ADCY8: variants seen among roughly 807,000 people sequenced by gnomAD.
ADCY8 encodes the protein adenylate cyclase 8.
Under a neutral mutation model 119.7 loss-of-function variants are expected in ADCY8, and 51 were observed. That is an observed-to-expected ratio of 0.43 (90% CI 0.34 to 0.54). The LOEUF (loss-of-function observed/expected upper bound fraction) is 0.54. ADCY8 is among the 20% of genes least tolerant of loss of function. The probability of loss-of-function intolerance (pLI) is 0.03; values close to 1 mark genes in which losing one functional copy is unlikely to be tolerated. For missense variants in ADCY8, 1,383 were observed against 1,598.8 expected, an observed-to-expected ratio of 0.87 and a Z score of 2.30; for synonymous variants, 665 against 651.0, an observed-to-expected ratio of 1.02 and a Z score of -0.33.
intron 3 of ADCY8, among the ~76,000 whole-genome samples, chr8:130,947,207 C>CGGA (rs1352937196): frequency 6.6e-6 from 1 of 152,198 alleles, no homozygotes. Context: ...GAAGCTTTTG[C>CGGA]GGAGTTCAAT....
intron 8 of ADCY8, among the ~76,000 whole-genome samples, chr8:130,868,748 C>T (rs1383650225): frequency 1.3e-5 from 2 of 152,168 alleles, no homozygotes; most frequent in Admixed American, 6.5e-5. Flanking sequence ...CACATTTGAC[C>T]TTAATGAGAG....
At chr8:130,827,318 G>T (rs1471991564) in intron 12 of ADCY8, among the ~76,000 whole-genome samples, 1 of 152,124 alleles carries the variant, frequency 6.6e-6, no homozygotes, top group Non-Finnish European at 1.5e-5. Context: ...TCAAGATGGT[G>T]GCTCCATCTT....
intron 1 of ADCY8, among the ~76,000 whole-genome samples, chr8:131,002,771 T>C (rs1209381420): frequency 2.0e-5 from 3 of 151,668 alleles, no homozygotes; most frequent in Non-Finnish European, 4.4e-5. Flanking sequence ...ACAACTTGAA[T>C]TCCAAGAATA....
intron 5 of ADCY8, 82 bp downstream of exon 5, chr8:130,936,991 G>C (rs1433776475): frequency 6.8e-7 from 1 of 1,464,318 alleles, no homozygotes. Context: ...CCATACATAT[G>C]ATTTACCACA....
chr8:130,807,698 A>G (rs1816010403), intron 14 of ADCY8, among the ~76,000 whole-genome samples: 1 of 152,142 alleles, frequency 6.6e-6, no homozygotes, highest in Non-Finnish European at 1.5e-5. Context: ...AAAATTGGCC[A>G]GTATCGCCGG....
chr8:130,980,206 A>C (rs1326076366), intron 2 of ADCY8, among the ~76,000 whole-genome samples: 1 of 152,176 alleles, frequency 6.6e-6, no homozygotes, highest in East Asian at 1.9e-4. Flanking sequence ...TAAGGATACC[A>C]GTGATATTGA....
chr8:130,869,207 C>T (rs1818236957), intron 8 of ADCY8, among the ~76,000 whole-genome samples: 1 of 152,168 alleles, frequency 6.6e-6, no homozygotes, highest in African/African-American at 2.4e-5. Flanking sequence ...TGTCCACTTG[C>T]TGGCAACCTG....
intron 2 of ADCY8, among the ~76,000 whole-genome samples, chr8:130,958,851 T>C (rs1563745414): frequency 6.6e-6 from 1 of 152,200 alleles, no homozygotes; most frequent in Non-Finnish European, 1.5e-5. Context: ...TATTTTTTAA[T>C]TTTCTATATA....
chr8:130,964,615 T>A (rs752286837), intron 2 of ADCY8, among the ~76,000 whole-genome samples: 7 of 152,202 alleles, frequency 4.6e-5, no homozygotes, highest in Non-Finnish European at 8.8e-5. Flanking sequence ...TATAAAAATC[T>A]GGAAGTCACT....
chr8:130,983,236 C>T (rs926251906), intron 2 of ADCY8, among the ~76,000 whole-genome samples: 6 of 152,324 alleles, frequency 3.9e-5, no homozygotes, highest in East Asian at 3.9e-4. Context: ...TTACTCTAAG[C>T]GAGGGCTGCC....
At chr8:130,933,622 AT>A (rs1820699859) in intron 5 of ADCY8, among the ~76,000 whole-genome samples, 1 of 152,212 alleles carries the variant, frequency 6.6e-6, no homozygotes, top group Non-Finnish European at 1.5e-5. Context: ...ATATCAACAG[AT>A]TTTGATTCAT....
Position 130,798,255 on chromosome 8 carries a change from G to A in ADCY8, c.3060+2171C>T, listed in dbSNP as rs1261565572. ...CCTTTATGATAGGAGGTTTTTCAGA[G>A]TATGAGTTTTTCATTAAAAAAGGAG... is the stretch of plus-strand genomic sequence containing the variant. On this transcript the variant is annotated intron_variant, in intron 15 of 17. Coordinates refer to ENST00000286355, the MANE Select transcript of ADCY8 (RefSeq NM_001115.3). 2.0e-5 allele frequency among the ~76,000 whole-genome samples: 3 copies of A among 152,148 alleles called. No individual in the cohort carries two copies. The East Asian group carries it at 5.8e-4, about 29-fold the overall frequency.
chr8:130,785,774 T>C (rs1289194303), intron 15 of ADCY8, among the ~76,000 whole-genome samples: 5 of 152,174 alleles, frequency 3.3e-5, no homozygotes, highest in Non-Finnish European at 7.3e-5. Context: ...TGGCTTTCTG[T>C]TTTACTCAAG....
chr8:130,905,716 T>G (rs966241761), intron 6 of ADCY8, among the ~76,000 whole-genome samples: 1 of 152,020 alleles, frequency 6.6e-6, no homozygotes. Context: ...AAAAGTTAGC[T>G]GGGCGTGGTG....
chr8:130,936,118 C>T (rs1252839641), intron 5 of ADCY8, among the ~76,000 whole-genome samples: 9 of 130,524 alleles, frequency 6.9e-5, no homozygotes, highest in East Asian at 2.1e-4. Flanking sequence ...TGTATTTCTG[C>T]CTATGCATCC....
intron 16 of ADCY8, among the ~76,000 whole-genome samples, chr8:130,784,800 AGGATT>A (rs1480403102): frequency 1.3e-5 from 2 of 152,158 alleles, no homozygotes; most frequent in African/African-American, 4.8e-5. Flanking sequence ...AAGCATACGA[AGGATT>A]GGAAGAAATT....
intron 1 of ADCY8, among the ~76,000 whole-genome samples, chr8:131,010,009 C>G (rs1415640144): frequency 6.6e-6 from 1 of 152,174 alleles, no homozygotes; most frequent in Non-Finnish European, 1.5e-5. Flanking sequence ...CTCCTTAAAT[C>G]CTCATCCCAA....
At chr8:130,819,777 C>A (rs546512394) in intron 13 of ADCY8, among the ~76,000 whole-genome samples, 1 of 152,294 alleles carries the variant, frequency 6.6e-6, no homozygotes, top group East Asian at 1.9e-4. Flanking sequence ...GCTGGAAAGA[C>A]CTAAAAACAG....
intron 1 of ADCY8, among the ~76,000 whole-genome samples, chr8:130,997,849 G>C (rs754383889): frequency 4.3e-4 from 65 of 152,154 alleles, no homozygotes; most frequent in Middle Eastern, 3.4e-3. Flanking sequence ...TCCAACCTAC[G>C]GCTCTACCTG....
Sources: gnomAD v4.1 joint callset for allele counts (sites outside exome capture counted in the v4.1 genomes callset) on GRCh38, gnomAD v4.1.1 for gene constraint, MANE v1.5 for transcripts, NCBI Gene and HGNC (gene_info 2026-07-23, HGNC 2026-07-21) for gene names.